The following CTSH variants were observed in gnomAD, a reference collection of about 807,000 sequenced individuals.
CTSH encodes the protein pro-cathepsin H.
A neutral mutation model predicts 56.3 loss-of-function variants in CTSH; 52 were observed. The observed-to-expected ratio is 0.92, with a 90% CI of 0.74 to 1.16. The LOEUF (loss-of-function observed/expected upper bound fraction) is 1.16, where lower values mean the gene tolerates loss of function less well. Among genes scored for constraint, CTSH ranks in the 50% most tolerant of loss-of-function variants. The pLI, the probability that CTSH is intolerant of heterozygous loss-of-function variation, is 0.00. For synonymous variants in CTSH, 174 were observed against 155.7 expected, an observed-to-expected ratio of 1.12 and a Z score of -0.88; for missense variants, 406 against 424.5, an observed-to-expected ratio of 0.96 and a Z score of 0.38.
At chr15:78,923,192 C>CTCTT in intron 10 of CTSH, 74 bp from the exon 11 acceptor site, 1 of 1,556,760 alleles carries the variant, frequency 6.4e-7, no homozygotes, top group Non-Finnish European at 8.8e-7. Context: ...CCAACAACGC[C>CTCTT]TCTTTGAGCG....
intron 3 of CTSH, 48 bp downstream of exon 3, chr15:78,937,270 G>A (rs1168430138): frequency 1.3e-6 from 2 of 1,528,538 alleles, no homozygotes; most frequent in South Asian, 1.1e-5. Context: ...CATGGGCTGG[G>A]TCACTAACTG....
At chr15:78,927,382 C>G in intron 9 of CTSH, 1 of 368,348 alleles carries the variant, frequency 2.7e-6, no homozygotes, top group African/African-American at 2.1e-5. Context: ...CTCAGTTTCA[C>G]ACACGCTGTG....
At chr15:78,929,734 G>T (rs2055006192) in intron 7 of CTSH, among the ~76,000 whole-genome samples, 1 of 152,122 alleles carries the variant, frequency 6.6e-6, no homozygotes, top group African/African-American at 2.4e-5. Flanking sequence ...ACCCCTTAAG[G>T]CCAGCCGCTC....
chr15:78,924,181 T>TG (rs2054847595), intron 10 of CTSH, among the ~76,000 whole-genome samples: 3 of 106,544 alleles, frequency 2.8e-5, no homozygotes, highest in Non-Finnish European at 5.7e-5. Context: ...CGAACCCTTC[T>TG]GCGTGGCTGG....
chr15:78,944,525 C>T (rs561202242), intron 1 of CTSH: 21 of 185,380 alleles, frequency 1.1e-4, no homozygotes, highest in African/African-American at 4.4e-4. Context: ...AAGGCTGGGA[C>T]GTCCTTGCTC....
Position 78,923,005 on chromosome 15 carries a change from C to T in CTSH, c.920G>A (p.Trp307Ter). The T allele has an allele frequency of 2.5e-6, 4 of 1,611,554 alleles. No homozygotes were observed. The highest frequency in any genetic ancestry group is 3.4e-6 in the Non-Finnish European group (4 of 1,179,232). The change falls in exon 11 of 12, where the codon TGG becomes TAG. Residue 307 changes from tryptophan (W) to a stop codon, truncating the protein, a stop_gained. Coordinates refer to ENST00000220166, the MANE Select transcript of CTSH (RefSeq NM_004390.5). LOFTEE classifies it high-confidence loss of function. ...GGGAGCTGCTTACCCGTTCATTCCC[C>T]ACTGGGGACCCCAAGAGTTTTTCAC... ...WIVKNSWGPQ[W>*]GMNGYFLIER...
chr15:78,921,911 A>G lies in CTSH; in HGVS notation c.*219T>C. On this transcript the variant is annotated 3_prime_UTR_variant, in exon 12 of 12. Coordinates refer to ENST00000220166, the MANE Select transcript of CTSH (RefSeq NM_004390.5). ...GTTTGAGTCTGTTAAGAAGGACACT[A>G]AGGCACATGGCTGGTGATCTTTGCG... 6.9e-6 allele frequency: 4 copies of G among 577,948 alleles called. No individual in the cohort carries two copies. The East Asian group carries it at 1.1e-4, about 17-fold the overall frequency. 35.8% of individuals were successfully genotyped at this position (577,948 alleles called of 1,614,324 possible).
rs927532972 is a variant in CTSH, at chr15:78,945,046, T to C, written c.-65A>G. The C allele has an allele frequency of 8.4e-6, 10 of 1,195,716 alleles. No homozygotes were observed. In the African/African-American group the frequency reaches 1.6e-4, roughly 19 times the overall value. The allele number at this position is 1,195,716 out of a possible 1,614,324, so 74.1% of individuals were successfully genotyped here. The stretch of plus-strand genomic sequence containing the variant: ...GGAGGTGGCGGCCCAGAGCGTCAAC[T>C]GGGAGCGCGGGGGGGGAGCGGCACG... On this transcript the variant is annotated 5_prime_UTR_variant, in exon 1 of 12. Coordinates refer to ENST00000220166, the MANE Select transcript of CTSH (RefSeq NM_004390.5).
Position 78,927,772 on chromosome 15 carries a change from A to G in CTSH, c.640T>C (p.Cys214Arg). The G allele has an allele frequency of 6.2e-7, 1 of 1,614,146 alleles. No individual in the cohort carries two copies. The highest frequency in any genetic ancestry group is 1.1e-5 in the South Asian group (1 of 91,088). ...TYPYQGKDGY[C>R]KFQPGKAIGF... ...ATGGCCTTTCCAGGTTGGAACTTGC[A>G]ATAACCATCCTGTTGAGGATGCAAA... The change falls in exon 9 of 12, where the codon TGC becomes CGC. Residue 214 changes from cysteine (C) to arginine (R), a missense_variant. Physicochemically the swap from Cys to Arg is radical, Grantham distance 180 (BLOSUM62 -3). Coordinates refer to ENST00000220166, the MANE Select transcript of CTSH (RefSeq NM_004390.5).
intron 1 of CTSH, among the ~76,000 whole-genome samples, chr15:78,941,589 G>C (rs544377018): frequency 6.6e-6 from 1 of 151,994 alleles, no homozygotes; most frequent in Admixed American, 6.6e-5. Flanking sequence ...TCAGAAGATC[G>C]AGACCATCCT....
At chr15:78,944,388 C>T (rs2055351809) in intron 1 of CTSH, 1 of 152,620 alleles carries the variant, frequency 6.6e-6, no homozygotes, top group Non-Finnish European at 1.5e-5. Flanking sequence ...GGTCTGAGTG[C>T]TTTCCCTGGT....
intron 1 of CTSH, 96 bp downstream of exon 1, chr15:78,944,795 C>T (rs1831798687): frequency 6.3e-6 from 9 of 1,439,556 alleles, no homozygotes; most frequent in Non-Finnish European, 8.3e-6. Context: ...AGCTCTGCCC[C>T]GTTCCTCCGG....
intron 4 of CTSH, among the ~76,000 whole-genome samples, 182 bp downstream of exon 4, chr15:78,935,498 C>T (rs1380577571): frequency 6.6e-6 from 1 of 152,196 alleles, no homozygotes; most frequent in African/African-American, 2.4e-5. Flanking sequence ...ATGCTAAGGC[C>T]ATGGGCCTGG....
At position 78,927,842 on chromosome 15, in the gene CTSH, C is replaced by T. The variant is rs190095356; in HGVS notation, c.631-61G>A. The T allele has an allele frequency of 8.0e-5, 111 of 1,379,284 alleles. No individual in the cohort carries two copies. The African/African-American group carries it at 1.3e-3, about 16-fold the overall frequency. 85.4% of individuals were successfully genotyped at this position (1,379,284 alleles called of 1,614,324 possible). A position where few individuals can be genotyped will look rare whatever the true frequency, so the allele number is the denominator to read the frequency against. On this transcript the variant is annotated intron_variant, in intron 8 of 11. Transcript: ENST00000220166. ...TGGACCCGAAGTCTCAGCCTCCCCA[C>T]GCAGTTCAATAACATTTACTAAACA...
intron 1 of CTSH, among the ~76,000 whole-genome samples, chr15:78,942,111 G>A (rs1370153231): frequency 1.3e-5 from 2 of 152,204 alleles, no homozygotes; most frequent in East Asian, 1.9e-4. Flanking sequence ...GGGAATGGAG[G>A]CAGTTTTTAA....
chr15:78,936,175 CTTTTCTTT>C (rs1299100478), intron 3 of CTSH, among the ~76,000 whole-genome samples: 62 of 130,796 alleles, frequency 4.7e-4, no homozygotes, highest in African/African-American at 1.6e-3. Flanking sequence ...TTTTTCTTTT[CTTTTCTTT>C]TTTTTTTTTT....
intron 11 of CTSH, 44 bp from the exon 12 acceptor site, chr15:78,922,249 C>G (rs1323937758): frequency 6.7e-7 from 1 of 1,488,818 alleles, no homozygotes; most frequent in Non-Finnish European, 9.2e-7. Context: ...GGTCTCCCCA[C>G]CACAGGCCTT....
chr15:78,931,343 A>C, intron 7 of CTSH, 108 bp downstream of exon 7: 2 of 1,443,960 alleles, frequency 1.4e-6, no homozygotes, highest in Non-Finnish European at 1.9e-6. Flanking sequence ...GCCATCGCCC[A>C]GGGCAGTGGT....
At chr15:78,929,320 G>T (rs2289696) in intron 8 of CTSH, 92 bp downstream of exon 8, 11 of 950,764 alleles carry the variant, frequency 1.2e-5, no homozygotes, top group South Asian at 4.2e-5. Context: ...GGAGGGAGGT[G>T]GGGGGAGAAG....
Sources: allele counts gnomAD v4.1 joint callset (sites outside exome capture counted in the v4.1 genomes callset), GRCh38; gene constraint gnomAD v4.1.1; transcripts MANE v1.5; gene names NCBI Gene and HGNC (gene_info 2026-07-23, HGNC 2026-07-21).